Variants in CLEC12B observed in about 807,000 individuals in gnomAD.
CLEC12B encodes the protein C-type lectin domain family 12 member B, also known as macrophage antigen h.
In CLEC12B, 25 loss-of-function variants were observed where a neutral mutation model predicts 36.1. The ratio of observed to expected loss-of-function variants is 0.69; its 90% CI spans 0.50 to 0.97. The LOEUF is 0.97. Among genes scored for constraint, CLEC12B ranks in the 50% least tolerant of loss-of-function variants. CLEC12B has a pLI of 0.00. For missense variants in CLEC12B, 325 were observed against 318.4 expected (o/e 1.02, Z -0.16); for synonymous variants, 110 against 108.5 (o/e 1.01, Z -0.09).
upstream of CLEC12B, among the ~76,000 whole-genome samples, chr12:10,010,200 T>TCACACA (rs3053772): frequency 0.021 from 3,051 of 145,874 alleles, 49 homozygotes; most frequent in Non-Finnish European, 0.031. Context: ...TGTCTCTCTC[T>TCACACA]CACACACACA....
upstream of CLEC12B, among the ~76,000 whole-genome samples, chr12:10,009,009 C>T (rs1312369337): frequency 1.3e-5 from 2 of 152,108 alleles, no homozygotes; most frequent in South Asian, 2.1e-4. Context: ...CACCGATCAG[C>T]GCTCTGTAAA....
upstream of CLEC12B, among the ~76,000 whole-genome samples, chr12:10,010,084 C>A (rs1263786395): frequency 2.0e-5 from 3 of 152,080 alleles, no homozygotes; most frequent in Middle Eastern, 6.8e-3. Flanking sequence ...GAGGGCACTC[C>A]CATTCATACT....
At chr12:10,010,196 T>TCACA (rs1339450318), upstream of CLEC12B, among the ~76,000 whole-genome samples, 32 of 67,472 alleles carry the variant, frequency 4.7e-4, no homozygotes, top group Admixed American at 7.0e-4. Context: ...TCTCTGTCTC[T>TCACA]CTCTCACACA....
chr12:10,009,298 G>T (rs1358329309), upstream of CLEC12B, among the ~76,000 whole-genome samples: 1 of 151,752 alleles, frequency 6.6e-6, no homozygotes, highest in Non-Finnish European at 1.5e-5. Flanking sequence ...CATTTTTGAA[G>T]TCAGCGAGAC....
At chr12:10,017,001 G>A in intron 5 of CLEC12B, 1 of 978,916 alleles carries the variant, frequency 1.0e-6, no homozygotes, top group East Asian at 1.2e-4. Flanking sequence ...TTCTTAAACT[G>A]AATAATAATC....
chr12:10,016,415 T>G (rs1865488282), intron 5 of CLEC12B: 1 of 155,948 alleles, frequency 6.4e-6, no homozygotes, highest in Non-Finnish European at 1.4e-5. Context: ...ATTTCAATTT[T>G]TTTAACTATT....
chr12:10,015,435 AG>A, intron 4 of CLEC12B, 29 bp downstream of exon 4: 1 of 1,599,240 alleles, frequency 6.3e-7, no homozygotes, highest in Non-Finnish European at 8.5e-7. Context: ...CTCTAGTTAT[AG>A]ACATTATCCA....
chr12:10,016,515 T>C (rs1421875644), intron 5 of CLEC12B: 1 of 285,848 alleles, frequency 3.5e-6, no homozygotes, highest in Non-Finnish European at 5.3e-6. Flanking sequence ...ACAAAAAATT[T>C]TGAGGAACAC....
upstream of CLEC12B, among the ~76,000 whole-genome samples, chr12:10,007,290 C>A (rs1470189404): frequency 6.7e-6 from 1 of 149,682 alleles, no homozygotes; most frequent in Non-Finnish European, 1.5e-5. Flanking sequence ...CATAAGTGAA[C>A]AAGTAGAGAT....
At chr12:10,018,300 A>C in intron 5 of CLEC12B, 31 bp from the exon 6 acceptor site, 1 of 1,297,298 alleles carries the variant, frequency 7.7e-7, no homozygotes, top group Non-Finnish European at 1.1e-6. Flanking sequence ...TCAAATACAG[A>C]ATTTATAATT....
Position 10,013,428 on chromosome 12 carries a change from A to G in CLEC12B, c.190+545A>G, listed in dbSNP as rs547312602. ...AGTAAGAGAGTTGAACCATCTCCAC[A>G]TGACAATGGAAGCTCCACTCTCAAG... On this transcript the variant is annotated intron_variant, in intron 2 of 5. Coordinates refer to ENST00000338896, the MANE Select transcript of CLEC12B (RefSeq NM_001129998.3). The G allele has an allele frequency of 2.4e-4, 37 of 154,868 alleles. 1 individual carries two copies. The highest frequency in any genetic ancestry group is 4.0e-4 in the Non-Finnish European group (28 of 70,044). The allele number at this position is 154,868 out of a possible 1,614,324, so 9.6% of individuals were successfully genotyped here. A position where few individuals can be genotyped will look rare whatever the true frequency, so the allele number is the denominator to read the frequency against.
At chr12:10,010,432 G>T (rs1178982178), upstream of CLEC12B, among the ~76,000 whole-genome samples, 4 of 152,166 alleles carry the variant, frequency 2.6e-5, no homozygotes, top group Non-Finnish European at 4.4e-5. Flanking sequence ...CCTCTACCCC[G>T]AGGATCATGG....
upstream of CLEC12B, among the ~76,000 whole-genome samples, chr12:10,009,574 A>C (rs1330445789): frequency 1.3e-5 from 2 of 151,572 alleles, no homozygotes; most frequent in Non-Finnish European, 2.9e-5. Flanking sequence ...AAAAAAAAAA[A>C]CAAAAAACAT....
chr12:10,014,264 C>T (rs1397227310), intron 2 of CLEC12B, among the ~76,000 whole-genome samples: 1 of 151,940 alleles, frequency 6.6e-6, no homozygotes, highest in East Asian at 1.9e-4. Flanking sequence ...ACTGGCCCTT[C>T]CTTAGATGTG....
At chr12:10,007,002 C>T (rs1327319928), upstream of CLEC12B, among the ~76,000 whole-genome samples, 1 of 151,714 alleles carries the variant, frequency 6.6e-6, no homozygotes, top group Non-Finnish European at 1.5e-5. Context: ...TTGCAGTGAG[C>T]CGAGATCGCG....
intron 5 of CLEC12B, chr12:10,017,638 G>A (rs1267055039): frequency 2.0e-6 from 2 of 985,866 alleles, no homozygotes; most frequent in Non-Finnish European, 2.4e-6. Context: ...TAAAGGCCAA[G>A]GCTAAGATTT....
intron 5 of CLEC12B, chr12:10,017,980 A>T (rs578190441): frequency 7.4e-4 from 703 of 944,744 alleles, no homozygotes; most frequent in Non-Finnish European, 8.1e-4. Flanking sequence ...GTTTTTCTTC[A>T]TAAGGTCCCA....
chr12:10,018,253 G>GT, intron 5 of CLEC12B, 78 bp from the exon 6 acceptor site: 1 of 881,806 alleles, frequency 1.1e-6, no homozygotes, highest in Non-Finnish European at 1.7e-6. Context: ...GACATTGGCT[G>GT]TAAGAGCAAC....
chr12:10,007,390 T>G (rs1281158877), upstream of CLEC12B, among the ~76,000 whole-genome samples: 3 of 152,198 alleles, frequency 2.0e-5, no homozygotes, highest in Non-Finnish European at 4.4e-5. Flanking sequence ...GATTTTAATA[T>G]ACAGATGGAG....
Sources: allele counts gnomAD v4.1 joint callset (sites outside exome capture counted in the v4.1 genomes callset), GRCh38; gene constraint gnomAD v4.1.1; transcripts MANE v1.5; gene names NCBI Gene and HGNC (gene_info 2026-07-23, HGNC 2026-07-21).